ALK: variants seen among roughly 807,000 people sequenced by gnomAD.
The protein encoded by ALK is ALK tyrosine kinase receptor.
ALK carries 74 observed loss-of-function variants against 163.1 expected under a neutral mutation model. The observed-to-expected ratio is 0.45, with a 90% CI of 0.38 to 0.55. ALK has a LOEUF of 0.55. ALK is among the 20% of genes least tolerant of loss of function. ALK has a pLI of 0.00. For synonymous variants in ALK, 960 were observed against 843.2 expected, an observed-to-expected ratio of 1.14 and a Z score of -2.40; for missense variants, 2,063 against 2,105.3, an observed-to-expected ratio of 0.98 and a Z score of 0.39.
intron 1 of ALK, among the ~76,000 whole-genome samples, chr2:29,756,595 C>T (rs1046005096): frequency 6.7e-6 from 1 of 150,352 alleles, no homozygotes; most frequent in East Asian, 2.0e-4. Flanking sequence ...TGCAGTGGCA[C>T]GATCTCGGCT....
chr2:29,488,845 T>C (rs1671838117), intron 4 of ALK, among the ~76,000 whole-genome samples: 1 of 152,198 alleles, frequency 6.6e-6, no homozygotes, highest in African/African-American at 2.4e-5. Context: ...GGCTGTTGTC[T>C]TTGTCTAAGT....
intron 3 of ALK, among the ~76,000 whole-genome samples, chr2:29,594,107 C>T (rs533399938): frequency 1.3e-5 from 2 of 152,014 alleles, no homozygotes; most frequent in Admixed American, 6.6e-5. Flanking sequence ...GGCAGACCCC[C>T]CAAAACAAAG....
chr2:29,331,387 G>C (rs151056004), intron 5 of ALK, among the ~76,000 whole-genome samples: 3 of 152,306 alleles, frequency 2.0e-5, no homozygotes, highest in East Asian at 3.9e-4. Flanking sequence ...GGCTGACTGG[G>C]CCTGTGCAGA....
chr2:29,337,219 T>C (rs1667642732), intron 5 of ALK, among the ~76,000 whole-genome samples: 1 of 152,202 alleles, frequency 6.6e-6, no homozygotes, highest in Non-Finnish European at 1.5e-5. Context: ...TCCTCAGTTG[T>C]AGTGTGGACA....
At chr2:29,492,978 T>C (rs1266895329) in intron 4 of ALK, among the ~76,000 whole-genome samples, 1 of 152,156 alleles carries the variant, frequency 6.6e-6, no homozygotes, top group Non-Finnish European at 1.5e-5. Context: ...AATCTCGTTT[T>C]CTCTTCTGAT....
chr2:29,422,447 T>G (rs1195997792), intron 4 of ALK, among the ~76,000 whole-genome samples: 2 of 151,860 alleles, frequency 1.3e-5, no homozygotes, highest in Admixed American at 1.3e-4. Context: ...GCTTCTTTTA[T>G]TAGGTTGGTG....
chr2:29,874,345 A>T (rs761871152), intron 1 of ALK, among the ~76,000 whole-genome samples: 1 of 151,998 alleles, frequency 6.6e-6, no homozygotes, highest in African/African-American at 2.4e-5. Context: ...TAGTTGAAAT[A>T]AACCTTGGCA....
At chr2:29,493,732 G>A (rs969874941) in intron 4 of ALK, among the ~76,000 whole-genome samples, 1 of 152,234 alleles carries the variant, frequency 6.6e-6, no homozygotes, top group Admixed American at 6.5e-5. Flanking sequence ...GCACATAGGT[G>A]TGCCCTCTGT....
chr2:29,729,673 G>A (rs890507527), intron 1 of ALK, among the ~76,000 whole-genome samples: 29 of 152,228 alleles, frequency 1.9e-4, no homozygotes, highest in Middle Eastern at 3.4e-3. Flanking sequence ...CCTCCAAATC[G>A]CCTGGCTCTA....
At chr2:29,685,224 A>G (rs910017807) in intron 3 of ALK, among the ~76,000 whole-genome samples, 7 of 151,718 alleles carry the variant, frequency 4.6e-5, no homozygotes, top group Admixed American at 1.3e-4. Flanking sequence ...TCCTCCAACC[A>G]CCCTAGACAG....
At chr2:29,624,066 T>C (rs1676118262) in intron 3 of ALK, among the ~76,000 whole-genome samples, 1 of 37,710 alleles carries the variant, frequency 2.7e-5, no homozygotes, top group Non-Finnish European at 7.8e-5. Flanking sequence ...ATTTATACCC[T>C]AGCAAGACTC....
At chr2:29,897,809 C>A (rs1021273259) in intron 1 of ALK, among the ~76,000 whole-genome samples, 2 of 152,198 alleles carry the variant, frequency 1.3e-5, no homozygotes, top group African/African-American at 4.8e-5. Context: ...CTGTACCCTG[C>A]CCTTCTCCCT....
intron 3 of ALK, among the ~76,000 whole-genome samples, chr2:29,588,756 A>T (rs1047378535): frequency 2.0e-5 from 3 of 152,260 alleles, no homozygotes; most frequent in Non-Finnish European, 4.4e-5. Flanking sequence ...TTTCCTAACT[A>T]AACTTCATTT....
chr2:29,233,838 C>G, intron 13 of ALK, 142 bp from the exon 14 acceptor site: 1 of 1,016,350 alleles, frequency 9.8e-7, no homozygotes, highest in Non-Finnish European at 1.5e-6. Flanking sequence ...GAAAAATATA[C>G]CAATAACTGT....
intron 3 of ALK, among the ~76,000 whole-genome samples, chr2:29,634,192 G>C (rs536410432): frequency 2.6e-5 from 4 of 151,442 alleles, no homozygotes; most frequent in African/African-American, 9.7e-5. Flanking sequence ...TCTGCCTCCC[G>C]GTTCAAGTGA....
At chr2:29,370,780 TC>T (rs1242117365) in intron 5 of ALK, among the ~76,000 whole-genome samples, 1 of 152,086 alleles carries the variant, frequency 6.6e-6, no homozygotes, top group Non-Finnish European at 1.5e-5. Flanking sequence ...CTGGCCCACT[TC>T]CCCTGTGAGC....
intron 1 of ALK, among the ~76,000 whole-genome samples, chr2:29,739,926 G>A (rs1680006544): frequency 6.6e-6 from 1 of 152,110 alleles, no homozygotes; most frequent in African/African-American, 2.4e-5. Context: ...CACTAAGGAT[G>A]CAACTAGAAA....
intron 4 of ALK, among the ~76,000 whole-genome samples, chr2:29,460,729 C>A (rs970930430): frequency 1.3e-5 from 2 of 152,144 alleles, no homozygotes; most frequent in Non-Finnish European, 2.9e-5. Context: ...TATCTTCAGG[C>A]CTTTCTATTC....
At chr2:29,247,580 TGGAGGTGGGCAAAGCTGTAGAGGGTG>T (rs1442805220) in intron 12 of ALK, among the ~76,000 whole-genome samples, 1 of 152,138 alleles carries the variant, frequency 6.6e-6, no homozygotes, top group Non-Finnish European at 1.5e-5. Context: ...TCTTCCTTTG[TGGAGGTGGGCAAAGCTGTAGAGGGTG>T]GGAGGTGGGC....
Sources: allele counts gnomAD v4.1 joint callset (sites outside exome capture counted in the v4.1 genomes callset), GRCh38; gene constraint gnomAD v4.1.1; transcripts MANE v1.5; gene names NCBI Gene and HGNC (gene_info 2026-07-23, HGNC 2026-07-21).